Variants in IGSF9B observed in about 807,000 individuals in gnomAD.
IGSF9B encodes immunoglobulin superfamily member 9B.
IGSF9B carries 48 observed loss-of-function variants against 143.7 expected under a neutral mutation model. That is an observed-to-expected ratio of 0.33 (90% CI 0.26 to 0.42). The LOEUF (loss-of-function observed/expected upper bound fraction) is 0.42, where lower values mean the gene tolerates loss of function less well. IGSF9B is among the 20% of genes least tolerant of loss of function. The probability of loss-of-function intolerance (pLI) is 1.00; values close to 1 mark genes in which losing one functional copy is unlikely to be tolerated. For synonymous variants in IGSF9B, 903 were observed against 833.1 expected, an observed-to-expected ratio of 1.08 and a Z score of -1.44; for missense variants, 1,706 against 1,980.0, an observed-to-expected ratio of 0.86 and a Z score of 2.63.
At position 133,909,321 on chromosome 11, in the gene IGSF9B, G is replaced by A; in HGVS notation, c.4106-44C>T. 1.4e-6 allele frequency: 2 copies of A among 1,452,436 alleles called. No homozygotes were observed. Among genetic ancestry groups the A allele is most frequent in the Non-Finnish European group, 1.9e-6 (2 of 1,071,288 alleles). The allele number at this position is 1,452,436 out of a possible 1,614,324, so 90.0% of individuals were successfully genotyped here. On this transcript the variant is annotated intron_variant, in intron 19 of 19. Coordinates refer to ENST00000533871, the MANE Select transcript of IGSF9B (RefSeq NM_001277285.4). This position sits in a 1 kb window ranked among gnomAD's most constrained non-coding sequence, Gnocchi z 4.2. The stretch of plus-strand genomic sequence containing the variant: ...GGACGCAAAAGAGAAGCAAGCGGAT[G>A]AAAAGGAAGCACGCAGCCTGCTCAC...
chr11:133,920,392 GC>G lies in IGSF9B; in HGVS notation c.3332del (p.Gly1111AlafsTer20). On this transcript the variant is annotated frameshift_variant, in exon 18 of 20. Transcript: ENST00000533871. LOFTEE classifies it high-confidence loss of function. ...KGWAGKSPGR[G>X]PVPAPPAAKW... ...TGGCGGCGGGGGGCGCTGGGACAGG[GC>G]CCCTGCCGGGCGACTTGCCTGCCCA... The G allele has an allele frequency of 6.3e-7, 1 of 1,599,062 alleles. No homozygotes were observed. Among genetic ancestry groups the G allele is most frequent in the Non-Finnish European group, 8.5e-7 (1 of 1,173,816 alleles).
intron 18 of IGSF9B, among the ~76,000 whole-genome samples, chr11:133,914,470 C>T (rs772286628): frequency 1.3e-5 from 2 of 152,192 alleles, no homozygotes; most frequent in Non-Finnish European, 1.5e-5. Context: ...GGAACAGCCC[C>T]GGTGAGACAG....
At chr11:133,912,046 G>T in intron 18 of IGSF9B, 39 bp from the exon 19 acceptor site, 1 of 1,494,704 alleles carries the variant, frequency 6.7e-7, no homozygotes, top group South Asian at 1.3e-5. Flanking sequence ...TCAGCTCCCG[G>T]ATGTGTGAGG....
intron 15 of IGSF9B, among the ~76,000 whole-genome samples, chr11:133,924,110 G>A (rs1250448300): frequency 6.6e-6 from 1 of 152,204 alleles, no homozygotes; most frequent in Non-Finnish European, 1.5e-5. Context: ...CCTCAGACGA[G>A]GTCACTGTCA....
chr11:133,937,593 AC>A, intron 4 of IGSF9B, 100 bp from the exon 5 acceptor site: 1 of 1,070,778 alleles, frequency 9.3e-7, no homozygotes, highest in Non-Finnish European at 1.4e-6. Context: ...GGTGGAGATG[AC>A]CACAGGGACA....
intron 1 of IGSF9B, 54 bp downstream of exon 1, chr11:133,956,637 G>A (rs1940261528): frequency 4.8e-6 from 6 of 1,258,572 alleles, no homozygotes; most frequent in African/African-American, 1.6e-5. Context: ...GGCCGGGCGC[G>A]AGGGGCCGAG....
chr11:133,903,274 C>G lies in IGSF9B; in HGVS notation c.*5795G>C, dbSNP rs1428977226. ...AAAGGCAGGCCCAGGCAGCCATTCA[C>G]GTCCCCATCTAGTGTGATGGGAATG... On this transcript the variant is annotated 3_prime_UTR_variant, in exon 20 of 20. Coordinates refer to ENST00000533871, the MANE Select transcript of IGSF9B (RefSeq NM_001277285.4). 6.6e-6 allele frequency among the ~76,000 whole-genome samples: 1 copy of G among 152,026 alleles called. No individual in the cohort carries two copies. Among genetic ancestry groups the G allele is most frequent in the Non-Finnish European group, 1.5e-5 (1 of 68,022 alleles).
At position 133,898,096 on chromosome 11, in the gene IGSF9B, A is replaced by T. The variant is rs1466363319; in HGVS notation, c.*10973T>A. 1 of 151,810 alleles carries T rather than the reference A, an allele frequency of 6.6e-6. No individual in the cohort carries two copies. Among genetic ancestry groups the T allele is most frequent in the East Asian group, 1.9e-4 (1 of 5,146 alleles). The allele number at this position is 151,810 out of a possible 1,614,324, so 9.4% of individuals were successfully genotyped here. On this transcript the variant is annotated 3_prime_UTR_variant, in exon 20 of 20. Transcript: ENST00000533871. The stretch of plus-strand genomic sequence containing the variant: ...CGAGAACAGCACCATGAAGCACCCT[A>T]GCGCAGTGATGTTGTAATACTCAAC...
Position 133,920,796 on chromosome 11 carries a change from C to T in IGSF9B, c.2929G>A (p.Glu977Lys). The change falls in exon 18 of 20, where the codon GAG (glutamate) becomes AAG (lysine). Residue 977 changes from glutamate (E) to lysine (K), a missense_variant. By Grantham distance (56) the Glu-to-Lys change is moderately conservative. Coordinates refer to ENST00000533871, the MANE Select transcript of IGSF9B (RefSeq NM_001277285.4). Reference sequence around the variant, plus strand: ...ACGTAGAACGGGGGCGGCTCCACCTCCCCAGGGCTGCTGCTGCTGAGGTAC... The same window carrying T: ...ACGTAGAACGGGGGCGGCTCCACCTTCCCAGGGCTGCTGCTGCTGAGGTAC... ...YGYLSSSSPG[E>K]VEPPPFYVPE... is the part of the protein sequence containing the mutation. The T allele has an allele frequency of 1.9e-6, 3 of 1,608,734 alleles. No individual in the cohort carries two copies. The highest frequency in any genetic ancestry group is 2.5e-6 in the Non-Finnish European group (3 of 1,177,652).
intron 1 of IGSF9B, among the ~76,000 whole-genome samples, chr11:133,955,057 C>G (rs1940225193): frequency 6.6e-6 from 1 of 152,226 alleles, no homozygotes; most frequent in South Asian, 2.1e-4. Context: ...CCTTCAGCGT[C>G]TCTTTTCTAT....
intron 3 of IGSF9B, among the ~76,000 whole-genome samples, chr11:133,941,137 G>T (rs545917772): frequency 6.6e-6 from 1 of 152,200 alleles, no homozygotes; most frequent in African/African-American, 2.4e-5. Flanking sequence ...CTAGTTTTCA[G>T]GAAAATAATG....
chr11:133,920,412 C>T lies in IGSF9B; in HGVS notation c.3313G>A (p.Gly1105Ser). Residue 1105 changes from glycine to serine, a missense_variant, in exon 18 of 20, where the codon GGC (glycine) becomes AGC (serine). Physicochemically the swap from Gly to Ser is moderately conservative, Grantham distance 56 (BLOSUM62 0). Transcript: ENST00000533871. The stretch of plus-strand genomic sequence containing the variant: ...ACAGGGCCCCTGCCGGGCGACTTGC[C>T]TGCCCAACCCTTCGGTGCCTCCAGA... ...LSLEAPKGWAGKSPGRGPVPA... is the reference protein window; with the variant it reads ...LSLEAPKGWASKSPGRGPVPA... The T allele has an allele frequency of 6.3e-7, 1 of 1,589,664 alleles. No homozygotes were observed. Among genetic ancestry groups the T allele is most frequent in the South Asian group, 1.1e-5 (1 of 88,154 alleles).
In IGSF9B at chr11:133,928,084, C is replaced by T. The variant is rs1652997965; in HGVS notation, c.1632-993G>A. Among the ~76,000 whole-genome samples, 1 of 151,290 alleles carries T rather than the reference C, an allele frequency of 6.6e-6. No individual in the cohort carries two copies. The highest frequency in any genetic ancestry group is 6.6e-5 in the Admixed American group (1 of 15,258). ...GTGGAAAAGCAGTGCAGATGAGCAG[C>T]AGCGTGGAGCAGCAGCGTGAAGCAG... On this transcript the variant is annotated intron_variant, in intron 12 of 19. Transcript: ENST00000533871. This position sits in a 1 kb window ranked among gnomAD's most constrained non-coding sequence, Gnocchi z 4.7.
At chr11:133,918,938 G>A (rs1591710143) in intron 18 of IGSF9B, 1 of 463,852 alleles carries the variant, frequency 2.2e-6, no homozygotes, top group Non-Finnish European at 4.4e-6. Context: ...GGAGAAGGAA[G>A]GAGGGGCAGG....
In IGSF9B at chr11:133,935,405, G is replaced by A. The variant is rs77091252; in HGVS notation, c.967+212C>T. On this transcript the variant is annotated intron_variant, in intron 7 of 19. Coordinates refer to ENST00000533871, the MANE Select transcript of IGSF9B (RefSeq NM_001277285.4). ...TGATGAGATGTACTGGCTGAACAGC[G>A]ACGCCTGGCCAGCGAAGTAGGAGCT... 8.5e-3 allele frequency among the ~76,000 whole-genome samples: 1,302 copies of A among 152,336 alleles called. 17 individuals carry two copies. Among genetic ancestry groups the A allele is most frequent in the African/African-American group, 0.028 (1,168 of 41,580 alleles).
chr11:133,917,147 G>A (rs1000563541), intron 18 of IGSF9B, among the ~76,000 whole-genome samples: 1 of 152,206 alleles, frequency 6.6e-6, no homozygotes, highest in African/African-American at 2.4e-5. Flanking sequence ...AAAGCCAGAA[G>A]CACCTGGACG....
chr11:133,908,794 T>C lies in IGSF9B; in HGVS notation c.*275A>G. ...TTGGAAGAGATGAGAAAAATCAACC[T>C]AGTGAAGCAGGGGGCGGAGGGGAGG... is the stretch of plus-strand genomic sequence containing the variant. On this transcript the variant is annotated 3_prime_UTR_variant, in exon 20 of 20. Transcript: ENST00000533871. 1 of 395,214 alleles carries C rather than the reference T, an allele frequency of 2.5e-6. No individual in the cohort carries two copies. Among genetic ancestry groups the C allele is most frequent in the Non-Finnish European group, 4.6e-6 (1 of 218,256 alleles). 24.5% of individuals were successfully genotyped at this position (395,214 alleles called of 1,614,324 possible).
rs1350328072 is a variant in IGSF9B at position 133,931,895 on chromosome 11, C to T, written c.1111-100G>A. ...GGGCCAGGCAGCACGCAGGATAGTACAGGAGCTCCAGCCCGGGGCGGGCGG... is the reference window on the plus strand; with the variant it reads ...GGGCCAGGCAGCACGCAGGATAGTATAGGAGCTCCAGCCCGGGGCGGGCGG... On this transcript the variant is annotated intron_variant, in intron 8 of 19. Coordinates refer to ENST00000533871, the MANE Select transcript of IGSF9B (RefSeq NM_001277285.4). The surrounding 1 kb of genome is among the most constrained non-coding windows in gnomAD (Gnocchi z 7.7). The T allele has an allele frequency of 2.1e-5, 32 of 1,533,856 alleles. No individual in the cohort carries two copies. Among genetic ancestry groups the T allele is most frequent in the Non-Finnish European group, 2.7e-5 (31 of 1,139,004 alleles).
At position 133,948,334 on chromosome 11, in the gene IGSF9B, T is replaced by C. The variant is rs1940096516; in HGVS notation, c.65-2076A>G. On this transcript the variant is annotated intron_variant, in intron 1 of 19. Coordinates refer to ENST00000533871, the MANE Select transcript of IGSF9B (RefSeq NM_001277285.4). This position sits in a 1 kb window ranked among gnomAD's most constrained non-coding sequence, Gnocchi z 4.7. ...CATCACAGTTTTCTAGAGAAAGAGCTAAGATCACAGAGTATTTTTGGAGCA... is the reference window on the plus strand; with the variant it reads ...CATCACAGTTTTCTAGAGAAAGAGCCAAGATCACAGAGTATTTTTGGAGCA... Among the ~76,000 whole-genome samples, 1 of 152,074 alleles carries C rather than the reference T, an allele frequency of 6.6e-6. No homozygotes were observed. The highest frequency in any genetic ancestry group is 1.5e-5 in the Non-Finnish European group (1 of 68,018).
Sources: allele counts gnomAD v4.1 joint callset (sites outside exome capture counted in the v4.1 genomes callset), GRCh38; gene constraint gnomAD v4.1.1; non-coding constraint Gnocchi (gnomAD v3.1); transcripts MANE v1.5; gene names NCBI Gene and HGNC (gene_info 2026-07-23, HGNC 2026-07-21).